LRRK2: variants seen among roughly 807,000 people sequenced by gnomAD.
The protein encoded by LRRK2 is leucine rich repeat kinase 2, also known as leucine-rich repeat serine/threonine-protein kinase 2.
In LRRK2, 203 loss-of-function variants were observed where a neutral mutation model predicts 302.6. That is an observed-to-expected ratio of 0.67 (90% CI 0.60 to 0.75). The LOEUF (loss-of-function observed/expected upper bound fraction) is 0.75, where lower values mean the gene tolerates loss of function less well. Among genes scored for constraint, LRRK2 ranks in the 30% least tolerant of loss-of-function variants. The pLI is 0.00. For synonymous variants in LRRK2, 1,066 were observed against 1,031.9 expected (o/e 1.03, Z -0.63); for missense variants, 2,830 against 2,951.0 (o/e 0.96, Z 0.95).
In LRRK2 at chr12:40,298,228, CTA is replaced by C. The variant is rs1460163662; in HGVS notation, c.3097-13_3097-12del. ...AGATGGTTCACTTTAGAATTTTAAA[CTA>C]TTGTCTTTTCAGACTCTGAAGAGTT... On this transcript the variant is annotated splice_polypyrimidine_tract_variant and intron_variant, in intron 23 of 50. Coordinates refer to ENST00000298910, the MANE Select transcript of LRRK2 (RefSeq NM_198578.4). 6.2e-7 allele frequency: 1 copy of C among 1,611,966 alleles called. No homozygotes were observed. Among genetic ancestry groups the C allele is most frequent in the South Asian group, 1.1e-5 (1 of 91,004 alleles).
intron 46 of LRRK2, among the ~76,000 whole-genome samples, chr12:40,357,182 A>G (rs73277531): frequency 0.13 from 19,533 of 152,160 alleles, 1,436 homozygotes; most frequent in African/African-American, 0.18. Context: ...GAGTGAGTAC[A>G]TGTGATATTT....
At chr12:40,363,668 T>C (rs1946786723) in intron 48 of LRRK2, 114 bp downstream of exon 48, 14 of 1,211,730 alleles carry the variant, frequency 1.2e-5, no homozygotes, top group Non-Finnish European at 1.6e-5. Context: ...TTTTTTAAAA[T>C]GCAGAAAAAA....
chr12:40,293,645 A>G lies in LRRK2; in HGVS notation c.2790A>G (p.Gln930=), dbSNP rs1290897631. 6.2e-7 allele frequency: 1 copy of G among 1,606,578 alleles called. No individual in the cohort carries two copies. Among genetic ancestry groups the G allele is most frequent in the East Asian group, 2.2e-5 (1 of 44,720 alleles). Residue 930 remains glutamine (Q), a synonymous_variant, in exon 21 of 51, where the codon CAA becomes CAG. Coordinates refer to ENST00000298910, the MANE Select transcript of LRRK2 (RefSeq NM_198578.4). The stretch of plus-strand genomic sequence containing the variant: ...TACAGCGTTGCTCACCAAATTTGCA[A>G]AGACATTCCAATTCCTTGGTAAGTT... The part of the protein sequence containing the change: ...AVLQRCSPNL[Q]RHSNSLGPIF...
chr12:40,289,974 A>G (rs1944078631), intron 20 of LRRK2, among the ~76,000 whole-genome samples: 1 of 151,792 alleles, frequency 6.6e-6, no homozygotes, highest in Non-Finnish European at 1.5e-5. Flanking sequence ...TATGTTGAAT[A>G]GAATTGGTCA....
At chr12:40,269,852 G>A (rs1287268411) in intron 14 of LRRK2, among the ~76,000 whole-genome samples, 6 of 151,938 alleles carry the variant, frequency 3.9e-5, no homozygotes, top group Non-Finnish European at 1.5e-5. Flanking sequence ...ACCGCTTTAT[G>A]TCCTCTCCCT....
chr12:40,359,378 CA>C lies in LRRK2; in HGVS notation c.6965del (p.Lys2322ArgfsTer34). The C allele has an allele frequency of 6.2e-7, 1 of 1,613,250 alleles. No homozygotes were observed. The highest frequency in any genetic ancestry group is 1.3e-5 in the African/African-American group (1 of 74,968). On this transcript the variant is annotated frameshift_variant, in exon 47 of 51. Coordinates refer to ENST00000298910, the MANE Select transcript of LRRK2 (RefSeq NM_198578.4). LOFTEE classifies it high-confidence loss of function. The part of the protein sequence containing the change: ...ERNVMWGGCG[T>X]KIFSFSNDFT... ...AATGTAATGTGGGGAGGATGTGGCA[CA>C]AAGATTTTCTCCTTTTCTAATGATT...
chr12:40,296,623 C>T (rs1477333386), intron 23 of LRRK2, among the ~76,000 whole-genome samples: 1 of 151,606 alleles, frequency 6.6e-6, no homozygotes, highest in Non-Finnish European at 1.5e-5. Context: ...CAGAGTGAGA[C>T]CCTGTCTCAA....
intron 7 of LRRK2, among the ~76,000 whole-genome samples, chr12:40,249,346 T>C (rs1388885127): frequency 6.6e-6 from 1 of 150,798 alleles, no homozygotes; most frequent in Non-Finnish European, 1.5e-5. Context: ...GAGATCATCA[T>C]AGACAAGATC....
At chr12:40,277,431 G>A (rs1420159371) in intron 16 of LRRK2, among the ~76,000 whole-genome samples, 2 of 152,174 alleles carry the variant, frequency 1.3e-5, no homozygotes, top group African/African-American at 2.4e-5. Flanking sequence ...CATTTCGGAA[G>A]ACAGCGCAAA....
At position 40,243,566 on chromosome 12, in the gene LRRK2, C is replaced by G. The variant is rs1179859392; in HGVS notation, c.723C>G (p.Val241=). The G allele has an allele frequency of 6.2e-7, 1 of 1,611,388 alleles. No homozygotes were observed. The highest frequency in any genetic ancestry group is 1.3e-5 in the African/African-American group (1 of 74,762). Reference sequence around the variant, plus strand: ...TAAATTCAGGCAATAATGTGGAAGTCCTCATGAGTGGCAATGTCAGGTGTT... The same window carrying G: ...TAAATTCAGGCAATAATGTGGAAGTGCTCATGAGTGGCAATGTCAGGTGTT... ...SLAIPCNNVE[V]LMSGNVRCYN... The change falls in exon 7 of 51, where the codon GTC becomes GTG. Residue 241 remains valine, a synonymous_variant. Coordinates refer to ENST00000298910, the MANE Select transcript of LRRK2 (RefSeq NM_198578.4).
chr12:40,269,572 T>C (rs996291534), intron 14 of LRRK2, among the ~76,000 whole-genome samples: 1 of 152,154 alleles, frequency 6.6e-6, no homozygotes, highest in African/African-American at 2.4e-5. Flanking sequence ...TTGCACCCTA[T>C]AAAATTTTGA....
Position 40,304,025 on chromosome 12 carries a change from G to A in LRRK2, c.3668G>A (p.Arg1223Lys), listed in dbSNP as rs1944719584. Residue 1223 changes from arginine to lysine, a missense_variant, in exon 27 of 51, where the codon AGG becomes AAG. Physicochemically the swap from Arg to Lys is conservative, Grantham distance 26. Around this residue, in one of 3 missense-constraint regions of LRRK2, gnomAD observed 2,121 missense variants for 2,148.0 expected, o/e 0.99. Transcript: ENST00000298910. The part of the protein sequence containing the change: ...GPAHWKSLNL[R>K]ELLFSHNQIS... The stretch of plus-strand genomic sequence containing the variant: ...GCACACTGGAAATCTTTGAACTTAA[G>A]GGAACTCTTATTTAGCCATAATCAG... The A allele has an allele frequency of 1.9e-6, 3 of 1,613,588 alleles. No individual in the cohort carries two copies. Among genetic ancestry groups the A allele is most frequent in the Admixed American group, 1.7e-5 (1 of 59,956 alleles).
intron 2 of LRRK2, among the ~76,000 whole-genome samples, chr12:40,229,123 G>A (rs1941050576): frequency 6.6e-6 from 1 of 152,008 alleles, no homozygotes; most frequent in Non-Finnish European, 1.5e-5. Context: ...TGTAGAAAGG[G>A]GTCTCCTACT....
intron 4 of LRRK2, among the ~76,000 whole-genome samples, chr12:40,237,077 G>A (rs1941500900): frequency 6.6e-6 from 1 of 152,010 alleles, no homozygotes; most frequent in Non-Finnish European, 1.5e-5. Context: ...AAAGGCAAGA[G>A]TGTGACATGC....
intron 2 of LRRK2, among the ~76,000 whole-genome samples, chr12:40,227,594 T>A (rs560753045): frequency 6.6e-6 from 1 of 152,376 alleles, no homozygotes; most frequent in Admixed American, 6.5e-5. Flanking sequence ...TTTAACCTAA[T>A]GACCTCCAGT....
intron 28 of LRRK2, among the ~76,000 whole-genome samples, chr12:40,307,942 C>T (rs540044344): frequency 1.4e-4 from 21 of 151,904 alleles, no homozygotes; most frequent in Non-Finnish European, 2.7e-4. Flanking sequence ...CCACTGTTCC[C>T]GGCTACTTTT....
At chr12:40,281,149 T>G in intron 18 of LRRK2, among the ~76,000 whole-genome samples, 1 of 151,966 alleles carries the variant, frequency 6.6e-6, no homozygotes, top group East Asian at 1.9e-4. Flanking sequence ...CAAACACTTC[T>G]ATCATGCTCA....
Position 40,287,355 on chromosome 12 carries a change from A to T in LRRK2, c.2505A>T (p.Ile835=). The T allele has an allele frequency of 6.2e-7, 1 of 1,611,634 alleles. No individual in the cohort carries two copies. The highest frequency in any genetic ancestry group is 8.5e-7 in the Non-Finnish European group (1 of 1,178,488). Residue 835 remains isoleucine, a synonymous_variant, in exon 20 of 51, where the codon ATA becomes ATT. Transcript: ENST00000298910. Reference sequence around the variant, plus strand: ...TGGTGTATCTCTTATTTTCAGATATAGCATCTACACTAGCAAGAATGGTGA... The same window carrying T: ...TGGTGTATCTCTTATTTTCAGATATTGCATCTACACTAGCAAGAATGGTGA... ...KTSNLRKQTN[I]ASTLARMVIR...
At position 40,240,339 on chromosome 12, in the gene LRRK2, G is replaced by T. The variant is rs946592125; in HGVS notation, c.572-144G>T. ...TCTCATTATAACATTCTTAGGAAGG[G>T]CTGCTTCACAGAAATATATTTTTTA... On this transcript the variant is annotated intron_variant, in intron 5 of 50. Coordinates refer to ENST00000298910, the MANE Select transcript of LRRK2 (RefSeq NM_198578.4). 11 of 760,334 alleles carry T rather than the reference G, an allele frequency of 1.4e-5. No individual in the cohort carries two copies. In the African/African-American group the frequency reaches 1.9e-4, roughly 13 times the overall value. The allele number at this position is 760,334 out of a possible 1,614,324, so 47.1% of individuals were successfully genotyped here.
Sources: allele counts gnomAD v4.1 joint callset (sites outside exome capture counted in the v4.1 genomes callset), GRCh38; gene constraint gnomAD v4.1.1; regional missense constraint gnomAD v4.1.1; transcripts MANE v1.5; gene names NCBI Gene and HGNC (gene_info 2026-07-23, HGNC 2026-07-21).